BASP1: variants seen among roughly 807,000 people sequenced by gnomAD.
BASP1 encodes brain acid soluble protein 1.
A neutral mutation model predicts 2.2 loss-of-function variants in BASP1; 1 was observed. The ratio of observed to expected loss-of-function variants is 0.46; its 90% CI spans 0.16 to 2.17. BASP1 has a LOEUF of 2.17. Among genes scored for constraint, BASP1 ranks in the 30% most tolerant of loss-of-function variants. The pLI is 0.27. For synonymous variants in BASP1, 187 were observed against 154.2 expected, an observed-to-expected ratio of 1.21 and a Z score of -1.58; for missense variants, 352 against 327.2, an observed-to-expected ratio of 1.08 and a Z score of -0.58.
intron 1 of BASP1, among the ~76,000 whole-genome samples, chr5:17,256,947 C>G (rs913682063): frequency 2.0e-5 from 3 of 152,140 alleles, no homozygotes; most frequent in African/African-American, 7.2e-5. Context: ...AACAAGTGAA[C>G]TGGGTGAAAC....
chr5:17,253,639 A>G (rs1293822288), intron 1 of BASP1, among the ~76,000 whole-genome samples: 1 of 152,188 alleles, frequency 6.6e-6, no homozygotes, highest in Non-Finnish European at 1.5e-5. Context: ...CTGATTAATC[A>G]TGGTCCTTCC....
intron 1 of BASP1, among the ~76,000 whole-genome samples, chr5:17,269,529 G>A (rs941616591): frequency 6.6e-6 from 1 of 152,158 alleles, no homozygotes; most frequent in African/African-American, 2.4e-5. Flanking sequence ...TGCTCGAATG[G>A]CACACTCTCT....
chr5:17,275,260 A>ACGACGAGAAAGC lies in BASP1; in HGVS notation c.46_57dup (p.Asp16_Ala19dup), dbSNP rs1740609273. 6.2e-7 allele frequency: 1 copy of ACGACGAGAAAGC among 1,613,920 alleles called. No individual in the cohort carries two copies. Among genetic ancestry groups the ACGACGAGAAAGC allele is most frequent in the Non-Finnish European group, 8.5e-7 (1 of 1,179,978 alleles). ...AAGAAGAAGAAGGGCTACAATGTGAACGACGAGAAAGCCAAGGAGAAAGAC... is the reference window on the plus strand; with the variant it reads ...AAGAAGAAGAAGGGCTACAATGTGAACGACGAGAAAGCCGACGAGAAAGCCAAGGAGAAAGAC... On this transcript the variant is annotated inframe_insertion, in exon 2 of 2. Transcript: ENST00000322611. The surrounding 1 kb of genome is among the most constrained non-coding windows in gnomAD (Gnocchi z 5.3).
At chr5:17,233,975 AAAAAAATTAGCTG>A (rs1317216315) in intron 1 of BASP1, among the ~76,000 whole-genome samples, 1 of 152,038 alleles carries the variant, frequency 6.6e-6, no homozygotes, top group Non-Finnish European at 1.5e-5. Flanking sequence ...CTAAAAATAC[AAAAAAATTAGCTG>A]GGCGTGGTGG....
intron 1 of BASP1, among the ~76,000 whole-genome samples, chr5:17,248,596 A>G (rs879652419): frequency 6.6e-6 from 1 of 152,184 alleles, no homozygotes; most frequent in South Asian, 2.1e-4. Context: ...AAGATTGGAC[A>G]TTCTCATTGC....
chr5:17,255,529 T>C (rs929668151), intron 1 of BASP1, among the ~76,000 whole-genome samples: 3 of 152,194 alleles, frequency 2.0e-5, no homozygotes, highest in Non-Finnish European at 4.4e-5. Flanking sequence ...GAAGCCACTA[T>C]GTATTTTGAA....
At chr5:17,273,554 GAA>G (rs1478994174) in intron 1 of BASP1, among the ~76,000 whole-genome samples, 1 of 152,164 alleles carries the variant, frequency 6.6e-6, no homozygotes, top group Non-Finnish European at 1.5e-5. Flanking sequence ...AGAATGGTGA[GAA>G]AAATTTTGAC....
intron 1 of BASP1, among the ~76,000 whole-genome samples, chr5:17,247,581 G>T (rs889448374): frequency 6.6e-6 from 1 of 152,100 alleles, no homozygotes; most frequent in Non-Finnish European, 1.5e-5. Flanking sequence ...CTCTATGCAC[G>T]AATGCTGCTT....
chr5:17,276,506 C>G lies in BASP1; in HGVS notation c.*606C>G, dbSNP rs1396196880. On this transcript the variant is annotated 3_prime_UTR_variant, in exon 2 of 2. Transcript: ENST00000322611. Reference sequence around the variant, plus strand: ...TCAATGCCAATCCTCCATTCTTCCTCTCCAGATATTTTTGGGAGTGACAAA... The same window carrying G: ...TCAATGCCAATCCTCCATTCTTCCTGTCCAGATATTTTTGGGAGTGACAAA... 1 of 166,922 alleles carries G rather than the reference C, an allele frequency of 6.0e-6. No homozygotes were observed. Among genetic ancestry groups the G allele is most frequent in the Non-Finnish European group, 1.5e-5 (1 of 68,104 alleles). The allele number at this position is 166,922 out of a possible 1,614,324, so 10.3% of individuals were successfully genotyped here.
At chr5:17,232,085 G>A (rs1739642818) in intron 1 of BASP1, among the ~76,000 whole-genome samples, 1 of 152,208 alleles carries the variant, frequency 6.6e-6, no homozygotes, top group Non-Finnish European at 1.5e-5. Flanking sequence ...AAAGCCCTGA[G>A]ACATTACAAG....
chr5:17,240,133 GATAAATAAATAAATAA>G (rs55977756), intron 1 of BASP1, among the ~76,000 whole-genome samples: 16 of 146,070 alleles, frequency 1.1e-4, no homozygotes, highest in Non-Finnish European at 1.5e-4. Context: ...TAAAAATAAA[GATAAATAAATAAATAA>G]ATAAATAAAT....
intron 1 of BASP1, among the ~76,000 whole-genome samples, chr5:17,225,148 C>T (rs1220780583): frequency 6.6e-6 from 1 of 152,152 alleles, no homozygotes; most frequent in African/African-American, 2.4e-5. Flanking sequence ...CCCATAAAGC[C>T]TCACTCCTGC....
At chr5:17,253,867 G>A (rs938618127) in intron 1 of BASP1, among the ~76,000 whole-genome samples, 2 of 151,990 alleles carry the variant, frequency 1.3e-5, no homozygotes, top group Non-Finnish European at 2.9e-5. Context: ...GAAGACCACC[G>A]ACACATTCAG....
chr5:17,255,397 GT>G (rs1007533162), intron 1 of BASP1, among the ~76,000 whole-genome samples: 3 of 151,616 alleles, frequency 2.0e-5, no homozygotes, highest in East Asian at 1.9e-4. Flanking sequence ...AGTTCACTAG[GT>G]TTTTTTTTCC....
rs918326143 is a variant in BASP1 at position 17,275,678 on chromosome 5, C to T, written c.462C>T (p.Pro154=). 7.6e-6 allele frequency: 12 copies of T among 1,575,076 alleles called. No individual in the cohort carries two copies. The highest frequency in any genetic ancestry group is 1.0e-5 in the Non-Finnish European group (12 of 1,161,180). ...EEGEPKKTEA[P]AAPAAQETKS... is the part of the protein sequence containing the mutation. ...GGGAACCCAAAAAGACTGAGGCGCC[C>T]GCAGCTCCTGCCGCCCAGGAGACCA... The change falls in exon 2 of 2, where the codon CCC becomes CCT. Residue 154 remains proline, a synonymous_variant. Coordinates refer to ENST00000322611, the MANE Select transcript of BASP1 (RefSeq NM_006317.5). The surrounding 1 kb of genome is among the most constrained non-coding windows in gnomAD (Gnocchi z 5.3).
intron 1 of BASP1, among the ~76,000 whole-genome samples, chr5:17,239,696 G>A (rs1183704138): frequency 6.6e-6 from 1 of 152,116 alleles, no homozygotes; most frequent in African/African-American, 2.4e-5. Flanking sequence ...TTAGGAATTT[G>A]GATATATGTG....
At chr5:17,233,670 C>G (rs1268606698) in intron 1 of BASP1, among the ~76,000 whole-genome samples, 2 of 151,916 alleles carry the variant, frequency 1.3e-5, no homozygotes, top group African/African-American at 4.8e-5. Context: ...GACATGGTAT[C>G]GATGGTTGAG....
At chr5:17,256,167 C>T (rs1264475555) in intron 1 of BASP1, among the ~76,000 whole-genome samples, 1 of 152,158 alleles carries the variant, frequency 6.6e-6, no homozygotes, top group Admixed American at 6.6e-5. Context: ...AAGGACATTC[C>T]AAGGTGAATC....
intron 1 of BASP1, among the ~76,000 whole-genome samples, chr5:17,229,609 G>T (rs1162803068): frequency 6.6e-6 from 1 of 152,100 alleles, no homozygotes; most frequent in East Asian, 1.9e-4. Flanking sequence ...GGGAAGTCTG[G>T]GAGAGGCTGG....
Sources: allele counts gnomAD v4.1 joint callset (sites outside exome capture counted in the v4.1 genomes callset), GRCh38; gene constraint gnomAD v4.1.1; non-coding constraint Gnocchi (gnomAD v3.1); transcripts MANE v1.5; gene names NCBI Gene and HGNC (gene_info 2026-07-23, HGNC 2026-07-21).